RHBDD1: variants seen among roughly 807,000 people sequenced by gnomAD.
RHBDD1 encodes rhomboid-related protein 4.
In RHBDD1, 38 loss-of-function variants were observed where a neutral mutation model predicts 36.3. The observed-to-expected ratio is 1.05, with a 90% CI of 0.81 to 1.37. RHBDD1 has a LOEUF of 1.37. Among genes scored for constraint, RHBDD1 ranks in the 40% most tolerant of loss-of-function variants. The pLI, the probability that RHBDD1 is intolerant of heterozygous loss-of-function variation, is 0.00. For synonymous variants in RHBDD1, 151 were observed against 136.5 expected (o/e 1.11, Z -0.74); for missense variants, 393 against 377.6 (o/e 1.04, Z -0.34).
At chr2:226,945,802 C>G (rs1331951722) in intron 8 of RHBDD1, among the ~76,000 whole-genome samples, 1 of 152,206 alleles carries the variant, frequency 6.6e-6, no homozygotes, top group Non-Finnish European at 1.5e-5. Context: ...TGTTTCTCCA[C>G]ATCCTCTCCA....
chr2:226,814,945 T>A, the RHBDD1 span, among the ~76,000 whole-genome samples: 1 of 152,172 alleles, frequency 6.6e-6, no homozygotes, highest in African/African-American at 2.4e-5. Flanking sequence ...CCCAGGGTCA[T>A]GGAGGCACCC....
intron 3 of RHBDD1, among the ~76,000 whole-genome samples, chr2:226,860,774 T>A (rs1943783008): frequency 1.3e-5 from 2 of 152,184 alleles, no homozygotes; most frequent in African/African-American, 4.8e-5. Context: ...TTTACAAAGG[T>A]GGAGCCCAAA....
intron 8 of RHBDD1, among the ~76,000 whole-genome samples, chr2:226,915,095 C>T (rs1948804738): frequency 6.6e-6 from 1 of 151,930 alleles, no homozygotes; most frequent in Admixed American, 6.6e-5. Flanking sequence ...TGTGTTTGGG[C>T]ATATGCCTAC....
intron 5 of RHBDD1, among the ~76,000 whole-genome samples, chr2:226,878,714 G>A (rs778179044): frequency 2.0e-5 from 3 of 152,160 alleles, no homozygotes; most frequent in Non-Finnish European, 4.4e-5. Flanking sequence ...ACCACCCCGT[G>A]TGCTCCTTCT....
intron 8 of RHBDD1, among the ~76,000 whole-genome samples, chr2:226,971,044 CTT>C (rs900405596): frequency 2.0e-5 from 3 of 152,182 alleles, no homozygotes; most frequent in Non-Finnish European, 4.4e-5. Context: ...TTCGTAGACA[CTT>C]AATTAAATGT....
At chr2:226,957,697 A>G (rs1043373442) in intron 8 of RHBDD1, among the ~76,000 whole-genome samples, 6 of 152,358 alleles carry the variant, frequency 3.9e-5, no homozygotes, top group South Asian at 2.1e-4. Flanking sequence ...TTACAATTCA[A>G]TAACCACAAG....
intron 8 of RHBDD1, among the ~76,000 whole-genome samples, chr2:226,926,264 A>G (rs1949667193): frequency 6.6e-6 from 1 of 152,010 alleles, no homozygotes; most frequent in African/African-American, 2.4e-5. Context: ...CTACTTATCT[A>G]CAACATCATG....
At chr2:226,978,337 C>G (rs1954965966) in intron 8 of RHBDD1, among the ~76,000 whole-genome samples, 1 of 152,014 alleles carries the variant, frequency 6.6e-6, no homozygotes, top group African/African-American at 2.4e-5. Context: ...TAATTTTTTG[C>G]CAAGCCACTA....
intron 3 of RHBDD1, among the ~76,000 whole-genome samples, chr2:226,860,388 A>G (rs867015573): frequency 2.0e-5 from 3 of 152,220 alleles, no homozygotes; most frequent in Non-Finnish European, 4.4e-5. Context: ...ATAAGTTGCT[A>G]TAATTGATGT....
At position 226,977,613 on chromosome 2, in the gene RHBDD1, C is replaced by T. The variant is rs548105713; in HGVS notation, c.857-17818C>T. On this transcript the variant is annotated intron_variant, in intron 8 of 8. Coordinates refer to ENST00000392062, the MANE Select transcript of RHBDD1 (RefSeq NM_001167608.3). Reference sequence around the variant, plus strand: ...GTAGCATAATTAGCAGGATCAAACGCTGCACAGGGAGAAGCATAATAGTTG... The same window carrying T: ...GTAGCATAATTAGCAGGATCAAACGTTGCACAGGGAGAAGCATAATAGTTG... 1.6e-4 allele frequency among the ~76,000 whole-genome samples: 24 copies of T among 152,286 alleles called. No homozygotes were observed. In the South Asian group the frequency reaches 5.0e-3, roughly 32 times the overall value.
At chr2:226,972,918 G>A (rs1415933382) in intron 8 of RHBDD1, among the ~76,000 whole-genome samples, 2 of 139,398 alleles carry the variant, frequency 1.4e-5, no homozygotes, top group Admixed American at 1.5e-4. Flanking sequence ...AGAAAGGAAG[G>A]AAGCCTGTAG....
At chr2:226,823,901 C>T in the RHBDD1 span, among the ~76,000 whole-genome samples, 1 of 152,226 alleles carries the variant, frequency 6.6e-6, no homozygotes, top group South Asian at 2.1e-4. Context: ...CAAACCCATT[C>T]CCACAATAAC....
intron 5 of RHBDD1, among the ~76,000 whole-genome samples, chr2:226,875,053 G>A (rs979230758): frequency 2.0e-5 from 3 of 152,098 alleles, no homozygotes; most frequent in African/African-American, 2.4e-5. Flanking sequence ...TTTATCTACC[G>A]TAAGCCCTTC....
upstream of RHBDD1, among the ~76,000 whole-genome samples, chr2:226,831,729 A>G (rs996501753): frequency 6.6e-6 from 1 of 151,706 alleles, no homozygotes; most frequent in Non-Finnish European, 1.5e-5. Flanking sequence ...TACAACCACC[A>G]TAGAAAATAA....
Position 226,909,555 on chromosome 2 carries a change from A to T in RHBDD1, c.712+677A>T, listed in dbSNP as rs188282345. On this transcript the variant is annotated intron_variant, in intron 7 of 8. Transcript: ENST00000392062. ...CCCCAAATTCATACGTTGAAACCCT[A>T]ACCCCTAATGTGATGATTTTAGTAG... 3.9e-5 allele frequency among the ~76,000 whole-genome samples: 6 copies of T among 152,210 alleles called. No individual in the cohort carries two copies. The East Asian group carries it at 1.2e-3, about 30-fold the overall frequency.
chr2:226,887,366 T>A (rs1258328005), intron 5 of RHBDD1, among the ~76,000 whole-genome samples: 1 of 152,240 alleles, frequency 6.6e-6, no homozygotes, highest in Non-Finnish European at 1.5e-5. Flanking sequence ...CAGAGAACAT[T>A]CAATTATAGT....
chr2:226,972,148 A>G (rs2149345335), intron 8 of RHBDD1, among the ~76,000 whole-genome samples: 1 of 152,176 alleles, frequency 6.6e-6, no homozygotes, highest in African/African-American at 2.4e-5. Flanking sequence ...CTCATTGTTC[A>G]ACTCCCACTT....
intron 8 of RHBDD1, among the ~76,000 whole-genome samples, chr2:226,933,054 G>A (rs1227009274): frequency 6.6e-6 from 1 of 152,156 alleles, no homozygotes; most frequent in Non-Finnish European, 1.5e-5. Flanking sequence ...GACAGAGTAA[G>A]TGCAAGCAGG....
At chr2:226,807,054 A>T in the RHBDD1 span, among the ~76,000 whole-genome samples, 10 of 152,238 alleles carry the variant, frequency 6.6e-5, no homozygotes, top group Non-Finnish European at 2.9e-5. Flanking sequence ...TAAGCAATGA[A>T]ATCTGATGCA....
Sources: gnomAD v4.1 joint callset for allele counts (sites outside exome capture counted in the v4.1 genomes callset) on GRCh38, gnomAD v4.1.1 for gene constraint, MANE v1.5 for transcripts, NCBI Gene and HGNC (gene_info 2026-07-23, HGNC 2026-07-21) for gene names.